Variants in GAB3 observed in about 807,000 individuals in gnomAD.
GAB3 encodes GRB2 associated binding protein 3.
Under a neutral mutation model 40.4 loss-of-function variants are expected in GAB3, and 12 were observed. The ratio of observed to expected loss-of-function variants is 0.30; its 90% confidence interval spans 0.19 to 0.48. GAB3 has a LOEUF of 0.48. GAB3 is among the 20% of genes least tolerant of loss of function. The probability of loss-of-function intolerance (pLI) is 0.99; values close to 1 mark genes in which losing one functional copy is unlikely to be tolerated. For missense variants in GAB3, 381 were observed against 461.9 expected (o/e 0.82, Z 1.61); for synonymous variants, 154 against 176.7 (o/e 0.87, Z 1.02).
intron 8 of GAB3, among the ~76,000 whole-genome samples, chrX:154,690,669 G>A (rs182883577): frequency 8.0e-5 from 9 of 112,247 alleles, no homozygotes; most frequent in African/African-American, 2.9e-4. Context: ...ATGAAAAAAT[G>A]CTCACCATCA....
intron 1 of GAB3, among the ~76,000 whole-genome samples, chrX:154,736,465 C>T (rs1420313064): frequency 8.9e-6 from 1 of 112,462 alleles, no homozygotes; most frequent in African/African-American, 3.2e-5. Flanking sequence ...ATTATTCTCT[C>T]AGAAAATAAC....
At chrX:154,718,627 G>C (rs1054853194) in intron 1 of GAB3, among the ~76,000 whole-genome samples, 2 of 111,196 alleles carry the variant, frequency 1.8e-5, no homozygotes, top group African/African-American at 6.6e-5. Flanking sequence ...GGGTTTGAAA[G>C]TGGGAAACCT....
chrX:154,712,096 C>T lies in GAB3; in HGVS notation c.1069+133G>A, dbSNP rs782570818. The T allele has an allele frequency of 3.9e-5, 18 of 460,601 alleles. No homozygotes were observed. In the East Asian group the frequency reaches 6.5e-4, roughly 17 times the overall value. 38.0% of individuals were successfully genotyped at this position (460,601 alleles called of 1,213,427 possible). A position where few individuals can be genotyped will look rare whatever the true frequency, so the allele number is the denominator to read the frequency against. On this transcript the variant is annotated intron_variant, in intron 4 of 9. Transcript: ENST00000424127. The stretch of plus-strand genomic sequence containing the variant: ...ACACACTACTGATGTGGCTTTTTAC[C>T]AAGCTGCACACATCAAGGTAATTCT...
intron 4 of GAB3, among the ~76,000 whole-genome samples, chrX:154,709,469 C>T (rs1232392290): frequency 4.6e-5 from 5 of 109,069 alleles, no homozygotes; most frequent in African/African-American, 1.0e-4. Context: ...CACAGGCACC[C>T]GCCACCACAC....
At chrX:154,744,830 GT>G (rs1384720206) in intron 1 of GAB3, among the ~76,000 whole-genome samples, 1 of 112,248 alleles carries the variant, frequency 8.9e-6, no homozygotes, top group African/African-American at 3.2e-5. Context: ...ATCATATAGA[GT>G]TTGTTCTTAG....
At chrX:154,678,320 T>C (rs782188313) in intron 9 of GAB3, 26 bp from the exon 10 acceptor site, 1 of 751,938 alleles carries the variant, frequency 1.3e-6, no homozygotes, top group South Asian at 2.3e-5. Flanking sequence ...AAAAAGGTTT[T>C]CATTACATCT....
At chrX:154,722,410 T>C (rs1304225085) in intron 1 of GAB3, among the ~76,000 whole-genome samples, 1 of 111,858 alleles carries the variant, frequency 8.9e-6, no homozygotes, top group Non-Finnish European at 1.9e-5. Context: ...CCAACCAGCA[T>C]CTAATGCAAT....
At chrX:154,743,426 C>T (rs1252066356) in intron 1 of GAB3, among the ~76,000 whole-genome samples, 3 of 110,790 alleles carry the variant, frequency 2.7e-5, no homozygotes, top group South Asian at 3.8e-4. Flanking sequence ...TGAAGAGTGA[C>T]GGAAATGGAA....
At chrX:154,719,389 A>T (rs1007135783) in intron 1 of GAB3, among the ~76,000 whole-genome samples, 14 of 112,181 alleles carry the variant, frequency 1.2e-4, no homozygotes, top group Admixed American at 2.8e-4. Context: ...CTATGGGAAC[A>T]AACAAAAGAG....
At chrX:154,679,428 T>C (rs1335394572) in intron 9 of GAB3, 3 of 209,959 alleles carry the variant, frequency 1.4e-5, no homozygotes, top group Non-Finnish European at 2.7e-5. Context: ...TTTATACTTA[T>C]TGCTCCCACC....
intron 1 of GAB3, among the ~76,000 whole-genome samples, chrX:154,734,194 G>C (rs1397930079): frequency 8.9e-6 from 1 of 112,800 alleles, no homozygotes. Context: ...AGAACTGGAA[G>C]CCTCTAACAG....
intron 8 of GAB3, among the ~76,000 whole-genome samples, chrX:154,694,442 A>G (rs923352490): frequency 2.8e-5 from 3 of 108,166 alleles, no homozygotes; most frequent in African/African-American, 6.8e-5. Flanking sequence ...GCTGGAGTGC[A>G]GTGGCGTTAT....
intron 8 of GAB3, among the ~76,000 whole-genome samples, chrX:154,685,891 C>T (rs192514879): frequency 3.3e-4 from 37 of 111,659 alleles, no homozygotes; most frequent in Non-Finnish European, 5.5e-4. Context: ...ACCCCTATCT[C>T]ACAGCACACA....
At position 154,748,178 on chromosome X, in the gene GAB3, T is replaced by G. The variant is rs781931817; in HGVS notation, c.72+2776A>C. On this transcript the variant is annotated intron_variant, in intron 1 of 9. Coordinates refer to ENST00000424127, the MANE Select transcript of GAB3 (RefSeq NM_001081573.3). Reference sequence around the variant, plus strand: ...TATTATATGTATTACAAGGAATATTTGACAATGCTTTAACGAATGAAGTAA... The same window carrying G: ...TATTATATGTATTACAAGGAATATTGGACAATGCTTTAACGAATGAAGTAA... 2.0e-4 allele frequency among the ~76,000 whole-genome samples: 23 copies of G among 112,753 alleles called. 1 individual carries two copies. The highest frequency in any genetic ancestry group is 3.7e-5 in the Non-Finnish European group (2 of 53,344).
At chrX:154,736,254 A>G (rs1394639703) in intron 1 of GAB3, among the ~76,000 whole-genome samples, 3 of 112,666 alleles carry the variant, frequency 2.7e-5, no homozygotes, top group African/African-American at 9.7e-5. Context: ...CCTTGACAAG[A>G]GCAGTTTTGA....
intron 4 of GAB3, among the ~76,000 whole-genome samples, 192 bp from the exon 5 acceptor site, chrX:154,700,251 CTG>C (rs2070721702): frequency 1.8e-5 from 2 of 111,754 alleles, no homozygotes; most frequent in South Asian, 7.5e-4. Flanking sequence ...TGAGTTCTCT[CTG>C]TGAAATAGGA....
intron 1 of GAB3, among the ~76,000 whole-genome samples, chrX:154,719,191 T>C (rs1557258208): frequency 8.9e-6 from 1 of 111,788 alleles, no homozygotes. Flanking sequence ...CTTTATCCAT[T>C]CATTCAACAA....
intron 8 of GAB3, among the ~76,000 whole-genome samples, chrX:154,692,609 G>A (rs1557249727): frequency 9.0e-6 from 1 of 111,471 alleles, no homozygotes; most frequent in African/African-American, 3.3e-5. Context: ...CCAACATGGT[G>A]AAACCCCATC....
chrX:154,696,139 C>A (rs1011438851), intron 7 of GAB3, 120 bp from the exon 8 acceptor site: 1 of 382,487 alleles, frequency 2.6e-6, no homozygotes, highest in Non-Finnish European at 4.6e-6. Flanking sequence ...CAACTTCCTT[C>A]CGGCCAAAGC....
Sources: allele counts gnomAD v4.1 joint callset (sites outside exome capture counted in the v4.1 genomes callset), GRCh38; gene constraint gnomAD v4.1.1; transcripts MANE v1.5; gene names NCBI Gene and HGNC (gene_info 2026-07-23, HGNC 2026-07-21).